AKAP11: variants seen among roughly 807,000 people sequenced by gnomAD.
AKAP11 encodes the protein A-kinase anchor protein 11.
AKAP11 carries 36 observed loss-of-function variants against 146.1 expected under a neutral mutation model. The ratio of observed to expected loss-of-function variants is 0.25; its 90% CI spans 0.19 to 0.33. The LOEUF (loss-of-function observed/expected upper bound fraction) is 0.33, where lower values mean the gene tolerates loss of function less well. Ranked by LOEUF, AKAP11 falls within the 10% of genes least tolerant of loss-of-function variation. The probability of loss-of-function intolerance (pLI) is 1.00; values close to 1 mark genes in which losing one functional copy is unlikely to be tolerated. For synonymous variants in AKAP11, 780 were observed against 786.5 expected (o/e 0.99, Z 0.14); for missense variants, 2,201 against 2,197.0 (o/e 1.00, Z -0.04).
intron 10 of AKAP11, among the ~76,000 whole-genome samples, chr13:42,313,636 T>C (rs924872541): frequency 1.3e-5 from 2 of 152,232 alleles, no homozygotes; most frequent in African/African-American, 4.8e-5. Context: ...TTGAATATTA[T>C]GAAATTACAT....
At chr13:42,304,195 C>T (rs896489670) in intron 8 of AKAP11, among the ~76,000 whole-genome samples, 2 of 152,204 alleles carry the variant, frequency 1.3e-5, no homozygotes, top group Non-Finnish European at 2.9e-5. Flanking sequence ...GTAGTCCCCC[C>T]TTATTCTCAA....
At chr13:42,308,420 A>C (rs759762224) in intron 8 of AKAP11, 34 bp from the exon 9 acceptor site, 2 of 1,526,274 alleles carry the variant, frequency 1.3e-6, no homozygotes, top group South Asian at 2.4e-5. Flanking sequence ...GGATGCTTTC[A>C]ATTTGATTTT....
Position 42,303,274 on chromosome 13 carries a change from T to A in AKAP11, c.4528T>A (p.Ser1510Thr). 1 of 1,613,434 alleles carries A rather than the reference T, an allele frequency of 6.2e-7. No individual in the cohort carries two copies. The highest frequency in any genetic ancestry group is 8.5e-7 in the Non-Finnish European group (1 of 1,180,012). Residue 1510 changes from serine to threonine, a missense_variant, in exon 8 of 13, where the codon TCT (serine) becomes ACT (threonine). By Grantham distance (58) the Ser-to-Thr change is moderately conservative. Around this residue, in one of 3 missense-constraint regions of AKAP11, gnomAD observed 1,867 missense variants for 1,833.5 expected, o/e 1.02. Transcript: ENST00000025301. ...TCACGTTACACCAGAATTGCCTAAG[T>A]CTCTTCAGCCTTCCTCACAAAATCA... ...ECHVTPELPK[S>T]LQPSSQNHRF...
intron 9 of AKAP11, among the ~76,000 whole-genome samples, chr13:42,309,565 T>C (rs997200903): frequency 4.6e-5 from 7 of 152,338 alleles, no homozygotes; most frequent in Admixed American, 2.6e-4. Flanking sequence ...TGTTCGATGC[T>C]TGGATTAACC....
At chr13:42,283,125 C>CAA (rs550977985) in intron 1 of AKAP11, among the ~76,000 whole-genome samples, 36 of 152,230 alleles carry the variant, frequency 2.4e-4, no homozygotes, top group African/African-American at 8.4e-4. Context: ...CTTTGCTTTA[C>CAA]AAAAGTATGT....
At chr13:42,310,832 C>T (rs1032330226) in intron 9 of AKAP11, among the ~76,000 whole-genome samples, 1 of 150,390 alleles carries the variant, frequency 6.6e-6, no homozygotes. Context: ...GTACTCCATC[C>T]TGGGCGACAG....
intron 3 of AKAP11, among the ~76,000 whole-genome samples, chr13:42,289,888 A>G (rs948369409): frequency 3.3e-5 from 5 of 152,190 alleles, no homozygotes; most frequent in Admixed American, 1.3e-4. Flanking sequence ...AAAAGTTGAG[A>G]AAAAAACCTA....
At chr13:42,286,924 A>G (rs1290288311) in intron 3 of AKAP11, among the ~76,000 whole-genome samples, 1 of 152,242 alleles carries the variant, frequency 6.6e-6, no homozygotes, top group Non-Finnish European at 1.5e-5. Flanking sequence ...GGCACTACCC[A>G]TGAACAAAGA....
At chr13:42,272,495 T>TG (rs1286987469) in intron 1 of AKAP11, among the ~76,000 whole-genome samples, 3 of 152,176 alleles carry the variant, frequency 2.0e-5, no homozygotes, top group Admixed American at 6.5e-5. Flanking sequence ...CGCGTCTTCC[T>TG]GGGGTCCCAA....
rs755550071 is a variant in AKAP11 at position 42,279,281 on chromosome 13, A to ACACT, written c.-99-6704_-99-6703insACTC. The stretch of plus-strand genomic sequence containing the variant: ...TGCACACCCACACACACACACACAC[A>ACACT]CTCTCTCTCTCTCACTCACTCACTC... On this transcript the variant is annotated intron_variant, in intron 1 of 12. Coordinates refer to ENST00000025301, the MANE Select transcript of AKAP11 (RefSeq NM_016248.4). 2.3e-3 allele frequency among the ~76,000 whole-genome samples: 334 copies of ACACT among 146,678 alleles called. 1 individual carries two copies. The highest frequency in any genetic ancestry group is 7.6e-3 in the African/African-American group (302 of 39,702).
At position 42,302,578 on chromosome 13, in the gene AKAP11, C is replaced by A. The variant is rs777504980; in HGVS notation, c.3832C>A (p.Arg1278=). 10 of 1,613,938 alleles carry A rather than the reference C, an allele frequency of 6.2e-6. No individual in the cohort carries two copies. The South Asian group carries it at 9.9e-5, about 16-fold the overall frequency. ...ITEAEKIAKV[R]NCMLFKQKKN... is the part of the protein sequence containing the mutation. ...AGAAGCTGAGAAAATAGCAAAAGTC[C>A]GAAATTGTATGCTTTTCAAGCAAAA... The change falls in exon 8 of 13, where the codon CGA becomes AGA. Residue 1278 remains arginine (R), a synonymous_variant. Transcript: ENST00000025301.
chr13:42,309,259 A>G (rs542225438), intron 9 of AKAP11, among the ~76,000 whole-genome samples: 234 of 152,280 alleles, frequency 1.5e-3, no homozygotes, highest in African/African-American at 5.3e-3. Context: ...CTTAACCTCT[A>G]CCTAAAGGCA....
At chr13:42,316,511 G>T (rs1246776869) in intron 11 of AKAP11, among the ~76,000 whole-genome samples, 2 of 152,190 alleles carry the variant, frequency 1.3e-5, no homozygotes, top group South Asian at 2.1e-4. Flanking sequence ...CATAAAAAAA[G>T]AAAATAAATT....
At chr13:42,309,345 G>T (rs973514469) in intron 9 of AKAP11, among the ~76,000 whole-genome samples, 1 of 152,140 alleles carries the variant, frequency 6.6e-6, no homozygotes, top group Non-Finnish European at 1.5e-5. Context: ...GATACCATTT[G>T]TAGCAGAGTC....
Position 42,303,780 on chromosome 13 carries a change from A to G in AKAP11, c.5034A>G (p.Gly1678=), listed in dbSNP as rs542458549. 3 of 1,613,710 alleles carry G rather than the reference A, an allele frequency of 1.9e-6. No homozygotes were observed. In the African/African-American group the frequency reaches 4.0e-5, roughly 22 times the overall value. The change falls in exon 8 of 13, where the codon GGA becomes GGG. Residue 1678 remains glycine, a synonymous_variant. Transcript: ENST00000025301. ...STSLAADSGI[G]QEGASFAESL... ...GCCTGGCAGCCGACAGTGGGATCGG[A>G]CAGGAGGGTGCCAGCTTTGCTGAAA... is the stretch of plus-strand genomic sequence containing the variant.
At chr13:42,285,816 A>C (rs1320699538) in intron 1 of AKAP11, among the ~76,000 whole-genome samples, 170 bp from the exon 2 acceptor site, 1 of 149,724 alleles carries the variant, frequency 6.7e-6, no homozygotes, top group Non-Finnish European at 1.5e-5. Flanking sequence ...CAGATTTCTC[A>C]TTCGTCTATT....
chr13:42,320,229 T>C lies in AKAP11; in HGVS notation c.*1001T>C, dbSNP rs961813513. 1 of 152,504 alleles carries C rather than the reference T, an allele frequency of 6.6e-6. No homozygotes were observed. Among genetic ancestry groups the C allele is most frequent in the African/African-American group, 2.4e-5 (1 of 41,426 alleles). The allele number at this position is 152,504 out of a possible 1,614,324, so 9.4% of individuals were successfully genotyped here. On this transcript the variant is annotated 3_prime_UTR_variant, in exon 13 of 13. Coordinates refer to ENST00000025301, the MANE Select transcript of AKAP11 (RefSeq NM_016248.4). ...AGAGAAGCCCAGTAGTTTTTATTGT[T>C]GGATTTTTGAAAAAACCTCTACCAA...
chr13:42,322,791 A>G lies in AKAP11; in HGVS notation c.*3563A>G, dbSNP rs1029693662. ...TTTATTTATTGGTTTTTTTTTAACC[A>G]TCTGTGTACATTCCTTTCATAGGGT... is the stretch of plus-strand genomic sequence containing the variant. On this transcript the variant is annotated 3_prime_UTR_variant, in exon 13 of 13. Coordinates refer to ENST00000025301, the MANE Select transcript of AKAP11 (RefSeq NM_016248.4). 13 of 152,614 alleles carry G rather than the reference A, an allele frequency of 8.5e-5. No individual in the cohort carries two copies. The highest frequency in any genetic ancestry group is 1.5e-4 in the Non-Finnish European group (10 of 67,986). 9.5% of individuals were successfully genotyped at this position (152,614 alleles called of 1,614,324 possible). A position where few individuals can be genotyped will look rare whatever the true frequency, so the allele number is the denominator to read the frequency against.
intron 1 of AKAP11, among the ~76,000 whole-genome samples, chr13:42,285,192 C>G (rs1959143373): frequency 6.6e-6 from 1 of 152,170 alleles, no homozygotes; most frequent in Non-Finnish European, 1.5e-5. Flanking sequence ...GAAACCTCAG[C>G]TAAGCAATTC....
Sources: allele counts gnomAD v4.1 joint callset (sites outside exome capture counted in the v4.1 genomes callset), GRCh38; gene constraint gnomAD v4.1.1; regional missense constraint gnomAD v4.1.1; transcripts MANE v1.5; gene names NCBI Gene and HGNC (gene_info 2026-07-23, HGNC 2026-07-21).